RFTN1: variants seen among roughly 807,000 people sequenced by gnomAD.
RFTN1 encodes the protein raftlin, lipid raft linker 1.
Under a neutral mutation model 46.5 loss-of-function variants are expected in RFTN1, and 26 were observed. The observed-to-expected ratio is 0.56, with a 90% confidence interval of 0.41 to 0.78. The LOEUF (loss-of-function observed/expected upper bound fraction) is 0.78. RFTN1 is among the 30% of genes least tolerant of loss of function. The probability of loss-of-function intolerance (pLI) is 0.00; values close to 1 mark genes in which losing one functional copy is unlikely to be tolerated. For synonymous variants in RFTN1, 261 were observed against 284.2 expected (o/e 0.92, Z 0.82); for missense variants, 693 against 718.7 (o/e 0.96, Z 0.41).
rs1329460219 is a variant in RFTN1, at chr3:16,481,103, A to C, written c.145+12622T>G. Among the ~76,000 whole-genome samples, 1 of 152,136 alleles carries C rather than the reference A, an allele frequency of 6.6e-6. No homozygotes were observed. The highest frequency in any genetic ancestry group is 1.9e-4 in the East Asian group (1 of 5,194). On this transcript the variant is annotated intron_variant, in intron 2 of 9. Coordinates refer to ENST00000334133, the MANE Select transcript of RFTN1 (RefSeq NM_015150.2). This position sits in a 1 kb window ranked among gnomAD's most constrained non-coding sequence, Gnocchi z 5.1. ...GATTTAGAGTAGCTGGGAAAACAGC[A>C]TGAAGAGTTTTTACATTCAGAAAGG... is the stretch of plus-strand genomic sequence containing the variant.
At chr3:16,360,360 C>A (rs889611488) in intron 6 of RFTN1, among the ~76,000 whole-genome samples, 1 of 152,176 alleles carries the variant, frequency 6.6e-6, no homozygotes, top group African/African-American at 2.4e-5. Context: ...TGTAGAGATG[C>A]GGTCTCACTA....
At chr3:16,405,331 C>G (rs1461246158) in intron 4 of RFTN1, among the ~76,000 whole-genome samples, 1 of 152,184 alleles carries the variant, frequency 6.6e-6, no homozygotes, top group Non-Finnish European at 1.5e-5. Context: ...CTCTCCAAGT[C>G]TGCCCATAGC....
At chr3:16,486,974 C>T (rs972179370) in intron 2 of RFTN1, among the ~76,000 whole-genome samples, 28 of 152,204 alleles carry the variant, frequency 1.8e-4, no homozygotes, top group African/African-American at 6.8e-4. Context: ...TGTCTTCCCC[C>T]CAACCCCCGT....
In RFTN1 at chr3:16,409,329, G is replaced by C. The variant is rs984098000; in HGVS notation, c.441+46C>G. The C allele has an allele frequency of 4.6e-6, 6 of 1,300,690 alleles. No homozygotes were observed. In the Admixed American group the frequency reaches 6.7e-5, roughly 15 times the overall value. 80.6% of individuals were successfully genotyped at this position (1,300,690 alleles called of 1,614,324 possible). On this transcript the variant is annotated intron_variant, in intron 4 of 9. Transcript: ENST00000334133. ...CAGCTACCTGCCTGTTCACTCAGGG[G>C]AACACTCGCAAACCTCTTCAATGGT...
At position 16,316,773 on chromosome 3, in the gene RFTN1, G is replaced by T; in HGVS notation, c.*55C>A. 1 of 1,604,278 alleles carries T rather than the reference G, an allele frequency of 6.2e-7. No homozygotes were observed. The highest frequency in any genetic ancestry group is 2.2e-5 in the East Asian group (1 of 44,854). ...AAACCAGCCCCCAAACCAGCTGTTG[G>T]TAAGATGCCTTGGGTTTGGCAACTC... On this transcript the variant is annotated 3_prime_UTR_variant, in exon 10 of 10. Transcript: ENST00000334133. This position sits in a 1 kb window ranked among gnomAD's most constrained non-coding sequence, Gnocchi z 4.5.
At chr3:16,328,986 GTA>G (rs2070015047) in intron 7 of RFTN1, among the ~76,000 whole-genome samples, 1 of 152,212 alleles carries the variant, frequency 6.6e-6, no homozygotes, top group Admixed American at 6.5e-5. Flanking sequence ...AGGTTTGAAT[GTA>G]TCCCCCAAAA....
In RFTN1 at chr3:16,385,412, A is replaced by G. The variant is rs2125392205; in HGVS notation, c.442-7310T>C. ...TTAGGGCCACAAGGAAAGATCATGT[A>G]AACTTTCTGCTGTTGTGGTTTTCTC... On this transcript the variant is annotated intron_variant, in intron 4 of 9. Coordinates refer to ENST00000334133, the MANE Select transcript of RFTN1 (RefSeq NM_015150.2). The surrounding 1 kb of genome is among the most constrained non-coding windows in gnomAD (Gnocchi z 5.0). Among the ~76,000 whole-genome samples the G allele has an allele frequency of 6.6e-6, 1 of 152,304 alleles. No individual in the cohort carries two copies. The highest frequency in any genetic ancestry group is 1.9e-4 in the East Asian group (1 of 5,184).
At chr3:16,478,943 G>T (rs1319455153) in intron 2 of RFTN1, among the ~76,000 whole-genome samples, 1 of 152,166 alleles carries the variant, frequency 6.6e-6, no homozygotes, top group Non-Finnish European at 1.5e-5. Flanking sequence ...CCTAATCTCG[G>T]AAGTGATAAC....
In RFTN1 at chr3:16,409,610, C is replaced by T. The variant is rs146022123; in HGVS notation, c.333-127G>A. On this transcript the variant is annotated intron_variant, in intron 3 of 9. Coordinates refer to ENST00000334133, the MANE Select transcript of RFTN1 (RefSeq NM_015150.2). The stretch of plus-strand genomic sequence containing the variant: ...TCGGCTCACTGCAACCCCCACCTCC[C>T]GGGTTCAAGCAATTGTCCTGCCTCA... 2.3e-3 allele frequency: 1,367 copies of T among 587,904 alleles called. 28 individuals carry two copies. In the East Asian group the frequency reaches 0.04, roughly 17 times the overall value. The allele number at this position is 587,904 out of a possible 1,614,324, so 36.4% of individuals were successfully genotyped here. A position where few individuals can be genotyped will look rare whatever the true frequency, so the allele number is the denominator to read the frequency against.
At chr3:16,510,275 G>A (rs971941426) in intron 1 of RFTN1, among the ~76,000 whole-genome samples, 1 of 152,176 alleles carries the variant, frequency 6.6e-6, no homozygotes, top group African/African-American at 2.4e-5. Flanking sequence ...TCTCCACCAA[G>A]TTAATATCAA....
In RFTN1 at chr3:16,355,058, G is replaced by GACTA. The variant is rs1329807649; in HGVS notation, c.1146+2870_1146+2873dup. On this transcript the variant is annotated intron_variant, in intron 7 of 9. Transcript: ENST00000334133. ...ATATTTCTATGAACATTCTGATCAT[G>GACTA]ACTACTTAGATAATTTCCGATAAGT... Among the ~76,000 whole-genome samples the GACTA allele has an allele frequency of 2.0e-5, 3 of 152,034 alleles. No homozygotes were observed. In the East Asian group the frequency reaches 5.8e-4, roughly 29 times the overall value.
At chr3:16,375,225 G>C (rs2073718073) in intron 5 of RFTN1, among the ~76,000 whole-genome samples, 1 of 152,126 alleles carries the variant, frequency 6.6e-6, no homozygotes, top group Non-Finnish European at 1.5e-5. Context: ...GTGTGTGCCT[G>C]TGGGGGAGTG....
chr3:16,398,789 GT>G (rs1363816919), intron 4 of RFTN1, among the ~76,000 whole-genome samples: 4 of 152,196 alleles, frequency 2.6e-5, no homozygotes, highest in Admixed American at 6.5e-5. Flanking sequence ...ATGACAGAGT[GT>G]TATGCCCAGG....
rs1384202266 is a variant in RFTN1 at position 16,421,899 on chromosome 3, C to T, written c.332+11952G>A. Among the ~76,000 whole-genome samples, 1 of 152,144 alleles carries T rather than the reference C, an allele frequency of 6.6e-6. No individual in the cohort carries two copies. The highest frequency in any genetic ancestry group is 6.5e-5 in the Admixed American group (1 of 15,278). ...CTGAGATCTCAGCTGAAAGTGCTTC[C>T]CTGAACCCAGCCCTTCTGCAGGCCC... On this transcript the variant is annotated intron_variant, in intron 3 of 9. Transcript: ENST00000334133. The surrounding 1 kb of genome is among the most constrained non-coding windows in gnomAD (Gnocchi z 4.6).
At chr3:16,332,172 AT>A (rs1360525161) in intron 7 of RFTN1, among the ~76,000 whole-genome samples, 7 of 151,652 alleles carry the variant, frequency 4.6e-5, no homozygotes, top group Admixed American at 2.0e-4. Flanking sequence ...TGAAAAATGT[AT>A]TTTTCCCCCC....
In RFTN1 at chr3:16,383,602, G is replaced by A. The variant is rs995575239; in HGVS notation, c.442-5500C>T. ...TCTAGGATGGATTGTCTGTTTCTAT[G>A]TCCAAAATGAATACCATGTTGCTAA... On this transcript the variant is annotated intron_variant, in intron 4 of 9. Coordinates refer to ENST00000334133, the MANE Select transcript of RFTN1 (RefSeq NM_015150.2). The surrounding 1 kb of genome is among the most constrained non-coding windows in gnomAD (Gnocchi z 4.0). Among the ~76,000 whole-genome samples the A allele has an allele frequency of 6.6e-6, 1 of 152,142 alleles. No homozygotes were observed. Among genetic ancestry groups the A allele is most frequent in the Non-Finnish European group, 1.5e-5 (1 of 68,030 alleles).
At position 16,455,340 on chromosome 3, in the gene RFTN1, T is replaced by C. The variant is rs191665245; in HGVS notation, c.146-21303A>G. Among the ~76,000 whole-genome samples, 122 of 152,328 alleles carry C rather than the reference T, an allele frequency of 8.0e-4. 1 individual carries two copies. The highest frequency in any genetic ancestry group is 1.4e-3 in the Non-Finnish European group (93 of 68,026). ...AAAGCCACAATCTGTTCACTTCTACTTTGTGTGCGTATGTGAAAATCCTCA... is the reference window on the plus strand; with the variant it reads ...AAAGCCACAATCTGTTCACTTCTACCTTGTGTGCGTATGTGAAAATCCTCA... On this transcript the variant is annotated intron_variant, in intron 2 of 9. Transcript: ENST00000334133.
intron 4 of RFTN1, among the ~76,000 whole-genome samples, chr3:16,389,881 C>T (rs1480638828): frequency 6.6e-6 from 1 of 152,210 alleles, no homozygotes; most frequent in African/African-American, 2.4e-5. Context: ...TATGTGACCT[C>T]CAAGGTATAA....
chr3:16,362,886 G>C (rs1162332821), intron 6 of RFTN1, among the ~76,000 whole-genome samples: 3 of 152,128 alleles, frequency 2.0e-5, no homozygotes, highest in African/African-American at 4.8e-5. Flanking sequence ...TCCCCTGCTG[G>C]GCTTCCTCTC....
Sources: gnomAD v4.1 joint callset for allele counts (sites outside exome capture counted in the v4.1 genomes callset) on GRCh38, gnomAD v4.1.1 for gene constraint, Gnocchi (gnomAD v3.1) non-coding constraint, MANE v1.5 for transcripts, NCBI Gene and HGNC (gene_info 2026-07-23, HGNC 2026-07-21) for gene names.